The following CHD7 variants were observed in gnomAD, a reference collection of about 807,000 sequenced individuals.
CHD7 encodes the protein ATP-dependent chromatin remodeler CHD7.
A neutral mutation model predicts 307.3 loss-of-function variants in CHD7; 24 were observed. That is an observed-to-expected ratio of 0.08 (90% confidence interval 0.06 to 0.11). The LOEUF is 0.11. Among genes scored for constraint, CHD7 ranks in the 10% least tolerant of loss-of-function variants. The pLI is 1.00. For synonymous variants in CHD7, 1,363 were observed against 1,349.9 expected (o/e 1.01, Z -0.21); for missense variants, 3,106 against 3,727.1 (o/e 0.83, Z 4.34).
intron 2 of CHD7, among the ~76,000 whole-genome samples, chr8:60,745,364 C>T (rs959082632): frequency 1.3e-5 from 2 of 152,162 alleles, no homozygotes; most frequent in African/African-American, 4.8e-5. Context: ...TTGCTCTCCT[C>T]CAGCTTTCCT....
chr8:60,725,069 T>C (rs1808099043), intron 1 of CHD7, among the ~76,000 whole-genome samples: 1 of 152,232 alleles, frequency 6.6e-6, no homozygotes, highest in Admixed American at 6.5e-5. Context: ...TGCATTCATG[T>C]ACCTCCTTTA....
intron 1 of CHD7, among the ~76,000 whole-genome samples, chr8:60,736,095 G>A (rs1808692407): frequency 6.6e-6 from 1 of 152,208 alleles, no homozygotes. Context: ...AACCCAGGGG[G>A]TTCAGGAAGG....
At chr8:60,797,197 T>C (rs1290310022) in intron 4 of CHD7, among the ~76,000 whole-genome samples, 1 of 152,228 alleles carries the variant, frequency 6.6e-6, no homozygotes, top group Non-Finnish European at 1.5e-5. Context: ...TGGGGAATTG[T>C]AAAAGGAACC....
At chr8:60,771,654 G>A (rs1810714656) in intron 2 of CHD7, among the ~76,000 whole-genome samples, 1 of 81,464 alleles carries the variant, frequency 1.2e-5, no homozygotes, top group Admixed American at 1.3e-4. Context: ...CATTAGGACT[G>A]TGTTCTCATC....
At chr8:60,726,232 CAGA>C (rs1808150973) in intron 1 of CHD7, among the ~76,000 whole-genome samples, 1 of 152,152 alleles carries the variant, frequency 6.6e-6, no homozygotes, top group Non-Finnish European at 1.5e-5. Context: ...GTGTGGATTT[CAGA>C]AGAAGACAGC....
chr8:60,783,276 T>A lies in CHD7; in HGVS notation c.2096+1846T>A, dbSNP rs79900498. Among the ~76,000 whole-genome samples, 1,375 of 152,338 alleles carry A rather than the reference T, an allele frequency of 9.0e-3. 14 individuals carry two copies. Among genetic ancestry groups the A allele is most frequent in the Middle Eastern group, 0.02 (6 of 294 alleles). ...CTTGTAGAGTCCTTTGGGGCAGATATTAAAATGCTGTATTTAACAATGAAA... is the reference window on the plus strand; with the variant it reads ...CTTGTAGAGTCCTTTGGGGCAGATAATAAAATGCTGTATTTAACAATGAAA... On this transcript the variant is annotated intron_variant, in intron 3 of 37. Transcript: ENST00000423902.
chr8:60,764,676 C>G (rs1031942731), intron 2 of CHD7, among the ~76,000 whole-genome samples: 1 of 152,152 alleles, frequency 6.6e-6, no homozygotes, highest in Non-Finnish European at 1.5e-5. Context: ...TTACAATGTG[C>G]TGGATGCTAT....
intron 1 of CHD7, among the ~76,000 whole-genome samples, chr8:60,695,314 C>A (rs868851704): frequency 2.0e-5 from 3 of 152,238 alleles, no homozygotes; most frequent in Middle Eastern, 3.4e-3. Flanking sequence ...TTAAAATAAA[C>A]TTCTTATAAA....
At chr8:60,859,803 G>A (rs1465685420) in intron 34 of CHD7, among the ~76,000 whole-genome samples, 1 of 152,220 alleles carries the variant, frequency 6.6e-6, no homozygotes, top group East Asian at 1.9e-4. Flanking sequence ...GGAGGGCCTT[G>A]ATGCCATTCG....
rs375663839 is a variant in CHD7 at position 60,823,798 on chromosome 8, T to C, written c.3202-42T>C. On this transcript the variant is annotated intron_variant, in intron 12 of 37. Coordinates refer to ENST00000423902, the MANE Select transcript of CHD7 (RefSeq NM_017780.4). ...TTATTCATCCTTAAAGTTATTTATGTAACCATTAATGCTTAATAATAATTC... is the reference window on the plus strand; with the variant it reads ...TTATTCATCCTTAAAGTTATTTATGCAACCATTAATGCTTAATAATAATTC... 7.8e-5 allele frequency: 117 copies of C among 1,501,646 alleles called. 1 individual carries two copies. The African/African-American group carries it at 1.4e-3, about 18-fold the overall frequency. The allele number at this position is 1,501,646 out of a possible 1,614,324, so 93.0% of individuals were successfully genotyped here.
chr8:60,830,141 T>C (rs1457736954), intron 14 of CHD7, among the ~76,000 whole-genome samples, 181 bp from the exon 15 acceptor site: 2 of 152,252 alleles, frequency 1.3e-5, no homozygotes. Flanking sequence ...CATAAAATTA[T>C]GCAACCTTCA....
At chr8:60,819,381 C>T (rs939494593) in intron 8 of CHD7, among the ~76,000 whole-genome samples, 1 of 152,128 alleles carries the variant, frequency 6.6e-6, no homozygotes, top group Non-Finnish European at 1.5e-5. Flanking sequence ...GGCTTCATTT[C>T]GTTATCCTTA....
intron 2 of CHD7, among the ~76,000 whole-genome samples, chr8:60,754,958 C>G (rs1400382408): frequency 6.6e-6 from 1 of 152,222 alleles, no homozygotes; most frequent in African/African-American, 2.4e-5. Context: ...TGATCCACTT[C>G]ATGCCCTTGT....
At chr8:60,857,559 A>T (rs1175403866) in intron 34 of CHD7, among the ~76,000 whole-genome samples, 4 of 152,196 alleles carry the variant, frequency 2.6e-5, no homozygotes, top group Non-Finnish European at 5.9e-5. Flanking sequence ...GTGCTTTTTT[A>T]AAAAATGGTT....
At position 60,742,533 on chromosome 8, in the gene CHD7, C is replaced by G. The variant is rs1282515563; in HGVS notation, c.1101C>G (p.Ile367Met). 6.2e-7 allele frequency: 1 copy of G among 1,613,920 alleles called. No individual in the cohort carries two copies. The highest frequency in any genetic ancestry group is 1.3e-5 in the African/African-American group (1 of 74,926). The change falls in exon 2 of 38, where the codon ATC becomes ATG. Residue 367 changes from isoleucine to methionine, a missense_variant. Transcript: ENST00000423902. ...SGQGLMHQQP[I>M]HPSGSLNQMN... ...AAGGACTAATGCACCAGCAGCCCAT[C>G]CACCCCAGTGGCTCACTTAACCAAA...
intron 1 of CHD7, among the ~76,000 whole-genome samples, chr8:60,710,237 T>C (rs1030073928): frequency 1.3e-5 from 2 of 150,908 alleles, no homozygotes; most frequent in Non-Finnish European, 3.0e-5. Context: ...ATGAAAACTT[T>C]TTTTTTTTTT....
intron 32 of CHD7, chr8:60,855,171 C>G (rs1563663525): frequency 6.6e-6 from 1 of 152,206 alleles, no homozygotes; most frequent in East Asian, 1.9e-4. Context: ...GCCTACCCCC[C>G]AGGCTCGTCT....
At chr8:60,761,637 G>A (rs1281469347) in intron 2 of CHD7, among the ~76,000 whole-genome samples, 3 of 151,684 alleles carry the variant, frequency 2.0e-5, no homozygotes, top group African/African-American at 7.3e-5. Context: ...GTTTATCTAG[G>A]ATGTTCATCC....
intron 13 of CHD7, 193 bp downstream of exon 13, chr8:60,824,209 T>C (rs897558980): frequency 3.5e-6 from 2 of 563,986 alleles, no homozygotes; most frequent in Non-Finnish European, 3.1e-6. Flanking sequence ...CTAGTGTCTG[T>C]TAAACAGTTG....
Sources: allele counts gnomAD v4.1 joint callset (sites outside exome capture counted in the v4.1 genomes callset), GRCh38; gene constraint gnomAD v4.1.1; transcripts MANE v1.5; gene names NCBI Gene and HGNC (gene_info 2026-07-23, HGNC 2026-07-21).